Variants in LYPLAL1 observed in about 807,000 individuals in gnomAD.
LYPLAL1 encodes the protein lysophospholipase like 1, also known as lysophospholipase-like protein 1.
A neutral mutation model predicts 19.7 loss-of-function variants in LYPLAL1; 23 were observed. That is an observed-to-expected ratio of 1.17 (90% CI 0.84 to 1.65). LYPLAL1 has a LOEUF of 1.65. Among genes scored for constraint, LYPLAL1 ranks in the 40% most tolerant of loss-of-function variants. The probability of loss-of-function intolerance (pLI) is 0.00; values close to 1 mark genes in which losing one functional copy is unlikely to be tolerated. For synonymous variants in LYPLAL1, 119 were observed against 96.3 expected, an observed-to-expected ratio of 1.24 and a Z score of -1.38; for missense variants, 355 against 279.4, an observed-to-expected ratio of 1.27 and a Z score of -1.93.
At chr1:219,293,903 C>A in the LYPLAL1 span, among the ~76,000 whole-genome samples, 24 of 152,272 alleles carry the variant, frequency 1.6e-4, no homozygotes, top group South Asian at 1.2e-3. Flanking sequence ...ACAGGACTTA[C>A]GTTTTCTCTG....
chr1:219,418,909 C>A, the LYPLAL1 span, among the ~76,000 whole-genome samples: 3 of 152,198 alleles, frequency 2.0e-5, no homozygotes, highest in East Asian at 5.8e-4. Context: ...CAGCATGGAG[C>A]CTTTTCAAAT....
the LYPLAL1 span, among the ~76,000 whole-genome samples, chr1:219,277,458 C>T: frequency 6.6e-6 from 1 of 152,208 alleles, no homozygotes; most frequent in East Asian, 1.9e-4. Context: ...GTTTAGAACT[C>T]ATTTCACTTA....
At chr1:219,404,029 C>T in the LYPLAL1 span, among the ~76,000 whole-genome samples, 17,399 of 152,082 alleles carry the variant, frequency 0.11, 1,031 homozygotes, top group Middle Eastern at 0.13. Flanking sequence ...CTTGCAGACA[C>T]AGCTGCCTTC....
the LYPLAL1 span, among the ~76,000 whole-genome samples, chr1:219,302,626 C>T: frequency 1.3e-5 from 2 of 152,104 alleles, no homozygotes; most frequent in South Asian, 2.1e-4. Flanking sequence ...CTTGCAGGAA[C>T]GTGTGGAGGA....
At chr1:219,214,370 C>T (rs1659212022), downstream of LYPLAL1, among the ~76,000 whole-genome samples, 1 of 152,058 alleles carries the variant, frequency 6.6e-6, no homozygotes. Context: ...GGTATCAGGA[C>T]AGTATTAGCT....
At chr1:219,206,002 A>G (rs1047883377) in intron 3 of LYPLAL1, among the ~76,000 whole-genome samples, 1 of 152,184 alleles carries the variant, frequency 6.6e-6, no homozygotes, top group African/African-American at 2.4e-5. Flanking sequence ...AATAATTATA[A>G]TAGTATACCA....
chr1:219,352,208 G>C, the LYPLAL1 span, among the ~76,000 whole-genome samples: 1 of 152,158 alleles, frequency 6.6e-6, no homozygotes, highest in Non-Finnish European at 1.5e-5. Flanking sequence ...TTGAGCCTCA[G>C]TCTCTTCACC....
At chr1:219,234,143 GA>G in the LYPLAL1 span, among the ~76,000 whole-genome samples, 2 of 152,254 alleles carry the variant, frequency 1.3e-5, no homozygotes, top group East Asian at 3.9e-4. Flanking sequence ...AACCTTATAA[GA>G]TCATTTGAGA....
At chr1:219,324,665 A>G in the LYPLAL1 span, among the ~76,000 whole-genome samples, 1 of 152,148 alleles carries the variant, frequency 6.6e-6, no homozygotes, top group African/African-American at 2.4e-5. Context: ...TTGACATCAG[A>G]TTGACATGGA....
the LYPLAL1 span, among the ~76,000 whole-genome samples, chr1:219,246,626 G>A: frequency 2.0e-5 from 3 of 152,140 alleles, no homozygotes; most frequent in Admixed American, 2.0e-4. Flanking sequence ...TCACCCTGTT[G>A]CCCAGGCTCA....
the LYPLAL1 span, among the ~76,000 whole-genome samples, chr1:219,246,616 TC>T: frequency 6.6e-6 from 1 of 152,236 alleles, no homozygotes; most frequent in Non-Finnish European, 1.5e-5. Context: ...AGACAGGGTC[TC>T]ACCCTGTTGC....
the LYPLAL1 span, among the ~76,000 whole-genome samples, chr1:219,375,456 A>G: frequency 1.4e-5 from 2 of 142,288 alleles, no homozygotes; most frequent in Non-Finnish European, 3.0e-5. Flanking sequence ...GCAGCACTGC[A>G]CTCCAGCCTG....
chr1:219,200,594 C>CA (rs1418120517), intron 3 of LYPLAL1: 1 of 171,376 alleles, frequency 5.8e-6, no homozygotes, highest in East Asian at 1.6e-4. Context: ...CCTTGGCCTT[C>CA]ACAGCATTTG....
chr1:219,228,909 C>T, the LYPLAL1 span, among the ~76,000 whole-genome samples: 12 of 151,934 alleles, frequency 7.9e-5, no homozygotes, highest in Non-Finnish European at 1.6e-4. Flanking sequence ...GAACTCCCGA[C>T]CTCAGGTGAT....
chr1:219,382,742 C>G, the LYPLAL1 span, among the ~76,000 whole-genome samples: 2 of 152,134 alleles, frequency 1.3e-5, no homozygotes, highest in Admixed American at 1.3e-4. Context: ...AAATAAACCA[C>G]CCAGGCAGAA....
the LYPLAL1 span, among the ~76,000 whole-genome samples, chr1:219,422,692 A>G: frequency 6.6e-6 from 1 of 152,192 alleles, no homozygotes; most frequent in African/African-American, 2.4e-5. Flanking sequence ...ATAATATTCA[A>G]GAGGCATAAA....
chr1:219,273,401 A>G, the LYPLAL1 span: 1 of 152,368 alleles, frequency 6.6e-6, no homozygotes, highest in Non-Finnish European at 1.5e-5. Context: ...TCAGTGTGAT[A>G]TAATTTTTCC....
the LYPLAL1 span, among the ~76,000 whole-genome samples, chr1:219,411,441 A>G: frequency 6.6e-6 from 1 of 152,090 alleles, no homozygotes; most frequent in Non-Finnish European, 1.5e-5. Flanking sequence ...TCTGTATCTA[A>G]CTAATCTGAT....
chr1:219,238,662 T>A, the LYPLAL1 span, among the ~76,000 whole-genome samples: 699 of 152,196 alleles, frequency 4.6e-3, 12 homozygotes, highest in Non-Finnish European at 4.4e-3. Context: ...TTGTACATAC[T>A]CTCTGCTCTA....
Sources: allele counts gnomAD v4.1 joint callset (sites outside exome capture counted in the v4.1 genomes callset), GRCh38; gene constraint gnomAD v4.1.1; transcripts MANE v1.5; gene names NCBI Gene and HGNC (gene_info 2026-07-23, HGNC 2026-07-21).